Variants in TENM2 observed in about 807,000 individuals in gnomAD.
TENM2 encodes teneurin transmembrane protein 2.
A neutral mutation model predicts 245.2 loss-of-function variants in TENM2; 52 were observed. The observed-to-expected ratio is 0.21, with a 90% confidence interval of 0.17 to 0.27. The LOEUF is 0.27. TENM2 is among the 10% of genes least tolerant of loss of function. The pLI is 1.00. For missense variants in TENM2, 3,046 were observed against 3,666.8 expected (o/e 0.83, Z 4.37); for synonymous variants, 1,363 against 1,438.9 (o/e 0.95, Z 1.19).
At position 168,262,245 on chromosome 5, in the gene TENM2, G is replaced by A. The variant is rs3208478; in HGVS notation, c.7760G>A (p.Ser2587Asn). The stretch of plus-strand genomic sequence containing the variant: ...GGGCGGGTGACCACGGGCGTGTCCA[G>A]CATCGCCAGCGAAGATAGCCGCAAG... Residue 2587 changes from serine to asparagine, a missense_variant, in exon 29 of 29, where the codon AGC becomes AAC. Coordinates refer to ENST00000518659, the Ensembl canonical transcript of TENM2. The A allele has an allele frequency of 1.8e-3, 2,859 of 1,605,070 alleles. 45 individuals are homozygous for A. In the African/African-American group the frequency reaches 0.033, roughly 18 times the overall value.
At chr5:167,978,640 G>A (rs973984486) in intron 4 of TENM2, among the ~76,000 whole-genome samples, 10 of 151,658 alleles carry the variant, frequency 6.6e-5, no homozygotes, top group Admixed American at 3.9e-4. Flanking sequence ...AAGGAATGGC[G>A]AGTTACTGTT....
the TENM2 span, among the ~76,000 whole-genome samples, chr5:167,143,053 A>G: frequency 2.6e-5 from 4 of 152,202 alleles, no homozygotes; most frequent in Non-Finnish European, 5.9e-5. Context: ...ACTAGTCCAC[A>G]TAAGTATTGC....
exon 25 of TENM2, chr5:168,227,908 C>G: frequency 2.5e-6 from 4 of 1,594,688 alleles, no homozygotes; most frequent in Non-Finnish European, 3.4e-6. Flanking sequence ...AAGTTCGGAA[C>G]AGCTACCAGC....
At chr5:167,492,191 T>G (rs1025577005) in intron 2 of TENM2, among the ~76,000 whole-genome samples, 1 of 152,128 alleles carries the variant, frequency 6.6e-6, no homozygotes, top group African/African-American at 2.4e-5. Flanking sequence ...ATGTCTGTTT[T>G]TATAGAGGTA....
chr5:167,717,365 C>T (rs902777922), intron 2 of TENM2, among the ~76,000 whole-genome samples: 10 of 152,092 alleles, frequency 6.6e-5, no homozygotes, highest in Admixed American at 3.3e-4. Flanking sequence ...CTGACCCTCC[C>T]GCTACCCGCC....
At chr5:167,073,664 G>A in the TENM2 span, among the ~76,000 whole-genome samples, 51 of 152,132 alleles carry the variant, frequency 3.4e-4, 2 homozygotes, top group African/African-American at 1.1e-3. Context: ...AAATAATTTG[G>A]TCACCACATT....
chr5:168,205,827 T>A (rs1251051161), intron 19 of TENM2, among the ~76,000 whole-genome samples: 1 of 152,034 alleles, frequency 6.6e-6, no homozygotes. Flanking sequence ...ATTGATATGA[T>A]CTGATTTGCA....
chr5:167,297,673 T>A, intron 1 of TENM2: 1 of 152,174 alleles, frequency 6.6e-6, no homozygotes, highest in East Asian at 1.9e-4. Flanking sequence ...AGGCTTTGTG[T>A]GAGTAACAAG....
chr5:167,631,489 C>T (rs1778870067), intron 2 of TENM2, among the ~76,000 whole-genome samples: 1 of 152,122 alleles, frequency 6.6e-6, no homozygotes, highest in South Asian at 2.1e-4. Flanking sequence ...GAGTAAGGAG[C>T]AGTGGGTAGA....
chr5:167,344,811 C>G (rs904023598), intron 1 of TENM2, among the ~76,000 whole-genome samples: 1 of 151,994 alleles, frequency 6.6e-6, no homozygotes, highest in Non-Finnish European at 1.5e-5. Flanking sequence ...CTTGGAACAG[C>G]CTTCCTTGCT....
At chr5:168,032,896 A>G (rs1030029231) in intron 5 of TENM2, among the ~76,000 whole-genome samples, 3 of 152,186 alleles carry the variant, frequency 2.0e-5, no homozygotes, top group African/African-American at 7.2e-5. Flanking sequence ...TTACCCAGGT[A>G]TGGTAGTCAT....
chr5:167,458,886 C>G (rs79556414), intron 2 of TENM2, among the ~76,000 whole-genome samples: 3,000 of 152,316 alleles, frequency 0.02, 39 homozygotes, highest in Non-Finnish European at 0.026. Context: ...AGCAGGCAAT[C>G]TAGTTCCAGA....
At chr5:167,919,834 G>A (rs921212747) in intron 3 of TENM2, among the ~76,000 whole-genome samples, 13 of 152,288 alleles carry the variant, frequency 8.5e-5, no homozygotes, top group African/African-American at 2.9e-4. Context: ...AGAGGAAGAC[G>A]GGATCACAAC....
At chr5:167,056,594 TA>T in the TENM2 span, among the ~76,000 whole-genome samples, 1 of 146,516 alleles carries the variant, frequency 6.8e-6, no homozygotes, top group Non-Finnish European at 1.5e-5. Context: ...TATATCTATA[TA>T]AATATATATC....
At chr5:167,055,224 C>G in the TENM2 span, among the ~76,000 whole-genome samples, 1 of 152,178 alleles carries the variant, frequency 6.6e-6, no homozygotes, top group African/African-American at 2.4e-5. Context: ...ACATCTTTAT[C>G]TAGATTTATT....
intron 1 of TENM2, among the ~76,000 whole-genome samples, chr5:167,372,239 G>C (rs1241404199): frequency 6.6e-6 from 1 of 152,122 alleles, no homozygotes; most frequent in Non-Finnish European, 1.5e-5. Context: ...CTATAAGCTT[G>C]AAGGTGAAAC....
At chr5:167,126,402 A>C in the TENM2 span, among the ~76,000 whole-genome samples, 2 of 151,992 alleles carry the variant, frequency 1.3e-5, no homozygotes, top group Admixed American at 1.3e-4. Context: ...TGTCCTTTCT[A>C]TTTTCATATA....
chr5:167,337,123 CAAAAAAAA>C (rs71591174), intron 1 of TENM2, among the ~76,000 whole-genome samples: 1 of 56,668 alleles, frequency 1.8e-5, no homozygotes, highest in Non-Finnish European at 2.8e-5. Context: ...GACTCCGTCT[CAAAAAAAA>C]AAAAAAAAAA....
At chr5:167,100,607 T>C in the TENM2 span, among the ~76,000 whole-genome samples, 1 of 152,006 alleles carries the variant, frequency 6.6e-6, no homozygotes, top group African/African-American at 2.4e-5. Context: ...TCATCCCTTT[T>C]CCATCTTTCT....
Sources: gnomAD v4.1 joint callset for allele counts (sites outside exome capture counted in the v4.1 genomes callset) on GRCh38, gnomAD v4.1.1 for gene constraint, MANE v1.5 for transcripts, NCBI Gene and HGNC (gene_info 2026-07-23, HGNC 2026-07-21) for gene names.